Variants in TRMT11 observed in about 807,000 individuals in gnomAD.
TRMT11 encodes the protein tRNA methyltransferase 11.
TRMT11 carries 53 observed loss-of-function variants against 62.8 expected under a neutral mutation model. The ratio of observed to expected loss-of-function variants is 0.84; its 90% CI spans 0.68 to 1.06. The LOEUF is 1.06. Ranked by LOEUF, TRMT11 falls within the 50% of genes least tolerant of loss-of-function variation. The pLI is 0.00. For synonymous variants in TRMT11, 188 were observed against 190.3 expected, an observed-to-expected ratio of 0.99 and a Z score of 0.10; for missense variants, 556 against 553.4, an observed-to-expected ratio of 1.00 and a Z score of -0.05.
intron 1 of TRMT11, among the ~76,000 whole-genome samples, chr6:125,989,369 G>T (rs1315628177): frequency 6.6e-6 from 1 of 151,942 alleles, no homozygotes; most frequent in Admixed American, 6.6e-5. Context: ...CTTGTGATCC[G>T]ACTGCCTCAT....
At chr6:126,178,652 C>T (rs989877988) in intron 1 of TRMT11, among the ~76,000 whole-genome samples, 26 of 152,136 alleles carry the variant, frequency 1.7e-4, no homozygotes, top group African/African-American at 5.1e-4. Flanking sequence ...GTATGTATAG[C>T]GCATGTTTCC....
chr6:126,014,732 C>T (rs1017850264), intron 11 of TRMT11, among the ~76,000 whole-genome samples: 1 of 152,188 alleles, frequency 6.6e-6, no homozygotes, highest in African/African-American at 2.4e-5. Flanking sequence ...AGAGAGAATA[C>T]ATTTGTACCC....
the TRMT11 span, among the ~76,000 whole-genome samples, chr6:126,262,249 G>A: frequency 6.6e-6 from 1 of 152,194 alleles, no homozygotes; most frequent in Non-Finnish European, 1.5e-5. Context: ...CTGGCAGTCA[G>A]GTTAGGTGTG....
Position 125,999,558 on chromosome 6 carries a change from T to A in TRMT11, c.624T>A (p.Ala208=). The change falls in exon 7 of 13, where the codon GCT becomes GCA. Residue 208 remains alanine, a synonymous_variant. Coordinates refer to ENST00000334379, the MANE Select transcript of TRMT11 (RefSeq NM_001031712.3). Reference sequence around the variant, plus strand: ...ATGCTGGTTTGTCATTCATTATGGCTAACCATGGAAAAGTGAAAGAAAATG... The same window carrying A: ...ATGCTGGTTTGTCATTCATTATGGCAAACCATGGAAAAGTGAAAGAAAATG... ...SMDAGLSFIM[A]NHGKVKENDI... is the part of the protein sequence containing the mutation. 1 of 1,612,086 alleles carries A rather than the reference T, an allele frequency of 6.2e-7. No homozygotes were observed. Among genetic ancestry groups the A allele is most frequent in the South Asian group, 1.1e-5 (1 of 90,896 alleles).
upstream of TRMT11, among the ~76,000 whole-genome samples, chr6:126,175,855 G>C (rs1050054025): frequency 2.6e-5 from 4 of 152,152 alleles, no homozygotes; most frequent in Non-Finnish European, 5.9e-5. Context: ...CTCCTGAAAT[G>C]ATGTTTTGGT....
At chr6:126,150,070 G>T (rs1778021151) in intron 21 of TRMT11, among the ~76,000 whole-genome samples, 1 of 152,152 alleles carries the variant, frequency 6.6e-6, no homozygotes, top group African/African-American at 2.4e-5. Context: ...TAAGAAGTGA[G>T]TGGGTCAGAG....
At chr6:126,241,196 G>T in the TRMT11 span, among the ~76,000 whole-genome samples, 2 of 152,144 alleles carry the variant, frequency 1.3e-5, no homozygotes, top group Admixed American at 1.3e-4. Flanking sequence ...GCTCATGCTC[G>T]GTGTGCTGCA....
the TRMT11 span, among the ~76,000 whole-genome samples, chr6:126,267,074 C>G: frequency 6.6e-6 from 1 of 152,254 alleles, no homozygotes; most frequent in South Asian, 2.1e-4. Context: ...CCACATGGGT[C>G]TGCCCATTGC....
chr6:126,067,108 A>G (rs976600876), intron 17 of TRMT11, among the ~76,000 whole-genome samples: 3 of 151,852 alleles, frequency 2.0e-5, no homozygotes, highest in Non-Finnish European at 4.4e-5. Context: ...TGCGCCTGTA[A>G]TCACAGCTAT....
chr6:126,206,904 T>C (rs970114131), downstream of TRMT11, among the ~76,000 whole-genome samples: 3 of 152,254 alleles, frequency 2.0e-5, no homozygotes, highest in South Asian at 4.1e-4. Flanking sequence ...ATAAACAAAG[T>C]ATAAATTAAA....
chr6:126,034,484 C>T (rs535146465), intron 12 of TRMT11, among the ~76,000 whole-genome samples: 230 of 152,194 alleles, frequency 1.5e-3, no homozygotes, highest in African/African-American at 5.2e-3. Flanking sequence ...ACAAATTTAC[C>T]TACAGAAACT....
At chr6:126,185,139 T>G (rs1052706237) in intron 1 of TRMT11, among the ~76,000 whole-genome samples, 9 of 152,026 alleles carry the variant, frequency 5.9e-5, no homozygotes, top group African/African-American at 2.2e-4. Flanking sequence ...GTAGGGGAGG[T>G]ATTTGCAGGC....
exon 21 of TRMT11, among the ~76,000 whole-genome samples, chr6:126,115,760 A>G (rs7753801): frequency 0.051 from 7,767 of 152,040 alleles, 634 homozygotes; most frequent in African/African-American, 0.17. Context: ...GTGGCACTAG[A>G]AGAGGACCAC....
intron 1 of TRMT11, 49 bp from the exon 2 acceptor site, chr6:125,993,708 T>C (rs1468416743): frequency 2.3e-6 from 3 of 1,280,090 alleles, no homozygotes; most frequent in African/African-American, 1.5e-5. Context: ...AGTACATTTT[T>C]AGTTCCTTTT....
chr6:126,084,608 T>C (rs1421906113), intron 17 of TRMT11, among the ~76,000 whole-genome samples: 3 of 152,162 alleles, frequency 2.0e-5, no homozygotes, highest in Non-Finnish European at 2.9e-5. Flanking sequence ...GGCCTGAGCT[T>C]TTGGTATGAT....
At chr6:126,011,198 G>A (rs1794124548) in intron 8 of TRMT11, 55 bp from the exon 9 acceptor site, 2 of 1,442,446 alleles carry the variant, frequency 1.4e-6, no homozygotes, top group East Asian at 2.4e-5. Flanking sequence ...CTAAATGACA[G>A]AAAATAAGAA....
the TRMT11 span, among the ~76,000 whole-genome samples, chr6:126,240,519 C>G: frequency 6.6e-6 from 1 of 152,224 alleles, no homozygotes; most frequent in Non-Finnish European, 1.5e-5. Flanking sequence ...GGCTGCAGAA[C>G]AGCAAATATT....
At chr6:126,124,966 G>A (rs1777698476) in intron 21 of TRMT11, among the ~76,000 whole-genome samples, 1 of 152,076 alleles carries the variant, frequency 6.6e-6, no homozygotes, top group Admixed American at 6.6e-5. Context: ...CTGGGGAGAA[G>A]TCACCAAGCT....
At chr6:125,998,434 G>A (rs1457509116) in intron 5 of TRMT11, 116 bp from the exon 6 acceptor site, 1 of 1,311,984 alleles carries the variant, frequency 7.6e-7, no homozygotes, top group Non-Finnish European at 1.1e-6. Flanking sequence ...TGTGCTAAGT[G>A]CTTTTCATGT....
Sources: allele counts gnomAD v4.1 joint callset (sites outside exome capture counted in the v4.1 genomes callset), GRCh38; gene constraint gnomAD v4.1.1; transcripts MANE v1.5; gene names NCBI Gene and HGNC (gene_info 2026-07-23, HGNC 2026-07-21).